The following EMC2 variants were observed in gnomAD, a reference collection of about 807,000 sequenced individuals.
The protein encoded by EMC2 is TPR repeat protein 35.
EMC2 carries 37 observed loss-of-function variants against 51.6 expected under a neutral mutation model. That is an observed-to-expected ratio of 0.72 (90% CI 0.55 to 0.94). The LOEUF is 0.94. Ranked by LOEUF, EMC2 falls within the 40% of genes least tolerant of loss-of-function variation. The pLI is 0.00. For missense variants in EMC2, 359 were observed against 350.9 expected (o/e 1.02, Z -0.18); for synonymous variants, 131 against 112.4 (o/e 1.17, Z -1.04).
At chr8:108,482,904 T>C (rs1038747226) in intron 10 of EMC2, among the ~76,000 whole-genome samples, 1 of 152,068 alleles carries the variant, frequency 6.6e-6, no homozygotes, top group Non-Finnish European at 1.5e-5. Flanking sequence ...GATTTTTATG[T>C]ATGATGTGAA....
At chr8:108,471,954 C>T (rs1810865647) in intron 7 of EMC2, among the ~76,000 whole-genome samples, 1 of 151,844 alleles carries the variant, frequency 6.6e-6, no homozygotes, top group Admixed American at 6.6e-5. Flanking sequence ...CTTTTTTAAT[C>T]TTTACAAGTT....
chr8:108,484,537 A>G (rs1811101407), intron 10 of EMC2, among the ~76,000 whole-genome samples: 1 of 152,066 alleles, frequency 6.6e-6, no homozygotes, highest in Non-Finnish European at 1.5e-5. Context: ...ACCAAGAAAA[A>G]TACTGTATTT....
chr8:108,449,924 C>T lies in EMC2; in HGVS notation c.142C>T (p.Leu48=), dbSNP rs749412073. 1 of 1,523,722 alleles carries T rather than the reference C, an allele frequency of 6.6e-7. No homozygotes were observed. Among genetic ancestry groups the T allele is most frequent in the Non-Finnish European group, 9.1e-7 (1 of 1,101,668 alleles). The allele number at this position is 1,523,722 out of a possible 1,614,324, so 94.4% of individuals were successfully genotyped here. A position where few individuals can be genotyped will look rare whatever the true frequency, so the allele number is the denominator to read the frequency against. Residue 48 remains leucine (L), a synonymous_variant, in exon 2 of 11, where the codon CTG becomes TTG. Coordinates refer to ENST00000220853, the MANE Select transcript of EMC2 (RefSeq NM_014673.5). Reference sequence around the variant, plus strand: ...ATTAATTAATGAATATGCTTCTAAGCTGGGAGATGATAGTAAGTTCTTTTA... The same window carrying T: ...ATTAATTAATGAATATGCTTCTAAGTTGGGAGATGATAGTAAGTTCTTTTA... ...EELINEYASK[L]GDDIWIIYEQ...
intron 1 of EMC2, among the ~76,000 whole-genome samples, chr8:108,449,200 A>G (rs1818953820): frequency 6.6e-6 from 1 of 151,416 alleles, no homozygotes; most frequent in Non-Finnish European, 1.5e-5. Flanking sequence ...TGCAGCATCA[A>G]CCTCCAGGCT....
chr8:108,454,686 T>C (rs1819110951), intron 4 of EMC2, among the ~76,000 whole-genome samples: 1 of 152,088 alleles, frequency 6.6e-6, no homozygotes, highest in Non-Finnish European at 1.5e-5. Context: ...CTTTATATAT[T>C]AGAACCTTCC....
Position 108,485,048 on chromosome 8 carries a change from A to C in EMC2, c.808-1464A>C, listed in dbSNP as rs528688115. 3.9e-5 allele frequency among the ~76,000 whole-genome samples: 6 copies of C among 152,022 alleles called. No homozygotes were observed. In the East Asian group the frequency reaches 1.2e-3, roughly 29 times the overall value. ...TACTTTTTCAAATCAGGATTCAGCT[A>C]CAGAAACTAATCTAATGGTTTAGAG... is the stretch of plus-strand genomic sequence containing the variant. On this transcript the variant is annotated intron_variant, in intron 10 of 10. Transcript: ENST00000220853.
chr8:108,444,441 G>C (rs1159581627), intron 1 of EMC2, among the ~76,000 whole-genome samples: 1 of 152,114 alleles, frequency 6.6e-6, no homozygotes. Context: ...CCAAACCTTG[G>C]ATCAATTCTG....
chr8:108,465,732 C>A (rs1013030414), intron 5 of EMC2, among the ~76,000 whole-genome samples: 1 of 152,110 alleles, frequency 6.6e-6, no homozygotes, highest in African/African-American at 2.4e-5. Flanking sequence ...TAAAAATCTT[C>A]TAAACTTTGT....
intron 5 of EMC2, among the ~76,000 whole-genome samples, chr8:108,462,223 G>GTGTGTGTGTGTGTGTGTGCA (rs1444871656): frequency 1.1e-5 from 1 of 89,522 alleles, no homozygotes; most frequent in East Asian, 5.5e-4. Flanking sequence ...TTGTGTGCGT[G>GTGTGTGTGTGTGTGTGTGCA]TGTGTGTATT....
At position 108,486,658 on chromosome 8, in the gene EMC2, T is replaced by C; in HGVS notation, c.*60T>C. ...CTGCACAATTGAACTTATTGGCCTG[T>C]AACTTATTTACTAAATGCTCAGTGC... On this transcript the variant is annotated 3_prime_UTR_variant, in exon 11 of 11. Coordinates refer to ENST00000220853, the MANE Select transcript of EMC2 (RefSeq NM_014673.5). The C allele has an allele frequency of 6.7e-7, 1 of 1,493,148 alleles. No homozygotes were observed. Among genetic ancestry groups the C allele is most frequent in the Non-Finnish European group, 9.0e-7 (1 of 1,107,406 alleles). The allele number at this position is 1,493,148 out of a possible 1,614,324, so 92.5% of individuals were successfully genotyped here. A position where few individuals can be genotyped will look rare whatever the true frequency, so the allele number is the denominator to read the frequency against.
At chr8:108,465,866 T>C (rs1207879282) in intron 5 of EMC2, among the ~76,000 whole-genome samples, 2 of 152,190 alleles carry the variant, frequency 1.3e-5, no homozygotes, top group South Asian at 2.1e-4. Flanking sequence ...GAACAACTTA[T>C]ATGGTCATCC....
At chr8:108,459,224 A>G (rs1288873563) in intron 5 of EMC2, among the ~76,000 whole-genome samples, 3 of 152,148 alleles carry the variant, frequency 2.0e-5, no homozygotes, top group East Asian at 3.8e-4. Context: ...ACATTTTCCC[A>G]TCTTCTTCTG....
chr8:108,453,216 TAA>T, intron 4 of EMC2, 69 bp downstream of exon 4: 4 of 810,486 alleles, frequency 4.9e-6, no homozygotes, highest in Non-Finnish European at 6.0e-6. Flanking sequence ...TTTTTTTTTT[TAA>T]TTCAGACATT....
chr8:108,477,085 C>T (rs1236330663), intron 9 of EMC2, among the ~76,000 whole-genome samples, 193 bp downstream of exon 9: 1 of 151,892 alleles, frequency 6.6e-6, no homozygotes, highest in Non-Finnish European at 1.5e-5. Flanking sequence ...AGCTGTTTGA[C>T]ATTCTTTTTT....
At chr8:108,472,214 G>A (rs1810869216) in intron 7 of EMC2, among the ~76,000 whole-genome samples, 2 of 150,898 alleles carry the variant, frequency 1.3e-5, no homozygotes, top group Admixed American at 1.3e-4. Context: ...TTATTTTTTT[G>A]CATGTATTTC....
At chr8:108,471,445 T>C (rs1286072192) in intron 7 of EMC2, among the ~76,000 whole-genome samples, 1 of 151,664 alleles carries the variant, frequency 6.6e-6, no homozygotes, top group Non-Finnish European at 1.5e-5. Context: ...ATGCAGAAAA[T>C]TTGAGAAACA....
intron 1 of EMC2, among the ~76,000 whole-genome samples, chr8:108,448,306 C>T (rs1024905493): frequency 6.6e-6 from 1 of 152,064 alleles, no homozygotes; most frequent in Admixed American, 6.5e-5. Flanking sequence ...AGATTCAAAC[C>T]AAGTGTATCA....
intron 1 of EMC2, among the ~76,000 whole-genome samples, chr8:108,448,201 C>T (rs1354808196): frequency 1.3e-5 from 2 of 152,140 alleles, no homozygotes; most frequent in South Asian, 2.1e-4. Flanking sequence ...AACTGCTCAT[C>T]CCTGAGCTAA....
intron 9 of EMC2, among the ~76,000 whole-genome samples, chr8:108,477,308 A>T (rs1001179045): frequency 6.6e-6 from 1 of 152,012 alleles, no homozygotes; most frequent in African/African-American, 2.4e-5. Flanking sequence ...AAATTAAAAC[A>T]TTTTTTATGG....
Sources: allele counts gnomAD v4.1 joint callset (sites outside exome capture counted in the v4.1 genomes callset), GRCh38; gene constraint gnomAD v4.1.1; transcripts MANE v1.5; gene names NCBI Gene and HGNC (gene_info 2026-07-23, HGNC 2026-07-21).